SPAG16: variants seen among roughly 807,000 people sequenced by gnomAD.
SPAG16 encodes the protein sperm-associated antigen 16 protein.
A neutral mutation model predicts 80.4 loss-of-function variants in SPAG16; 86 were observed. The observed-to-expected ratio is 1.07, with a 90% CI of 0.90 to 1.28. The LOEUF (loss-of-function observed/expected upper bound fraction) is 1.28. Ranked by LOEUF, SPAG16 falls within the 50% of genes most tolerant of loss-of-function variation. SPAG16 has a pLI of 0.00. For missense variants in SPAG16, 870 were observed against 765.3 expected (o/e 1.14, Z -1.61); for synonymous variants, 294 against 265.9 (o/e 1.11, Z -1.03).
intron 9 of SPAG16, among the ~76,000 whole-genome samples, chr2:213,469,807 A>G (rs568098262): frequency 2.0e-5 from 3 of 152,048 alleles, no homozygotes; most frequent in Non-Finnish European, 4.4e-5. Flanking sequence ...GTCCAGGTCA[A>G]TCACATCAGC....
At chr2:213,825,711 T>C (rs1286844596) in intron 10 of SPAG16, among the ~76,000 whole-genome samples, 3 of 148,202 alleles carry the variant, frequency 2.0e-5, no homozygotes, top group Non-Finnish European at 4.5e-5. Context: ...CTTTTTTTTT[T>C]TTTTTTTTTT....
intron 13 of SPAG16, among the ~76,000 whole-genome samples, chr2:214,064,978 A>G (rs1424000924): frequency 6.6e-6 from 1 of 151,952 alleles, no homozygotes. Context: ...TAAGAATATA[A>G]GAATAAATAA....
intron 13 of SPAG16, among the ~76,000 whole-genome samples, chr2:214,059,200 A>ATATATGTATGTG (rs2050108865): frequency 1.9e-5 from 2 of 106,222 alleles, no homozygotes; most frequent in Admixed American, 1.0e-4. Flanking sequence ...ATATATATAT[A>ATATATGTATGTG]TATATATATA....
At chr2:213,430,687 G>A (rs949985067) in intron 9 of SPAG16, among the ~76,000 whole-genome samples, 1 of 152,028 alleles carries the variant, frequency 6.6e-6, no homozygotes, top group Non-Finnish European at 1.5e-5. Context: ...AACTTCACTA[G>A]GCTAGCAATA....
Position 213,912,579 on chromosome 2 carries a change from GT to G in SPAG16, c.1215-17377del, listed in dbSNP as rs534890280. ...GAATTTCTGTTTGTGCATTTGACTT[GT>G]TTTGGCCAGTGGATATTAACCAATA... On this transcript the variant is annotated intron_variant, in intron 11 of 15. Coordinates refer to ENST00000331683, the MANE Select transcript of SPAG16 (RefSeq NM_024532.5). Among the ~76,000 whole-genome samples, 6 of 152,172 alleles carry G rather than the reference GT, an allele frequency of 3.9e-5. No individual in the cohort carries two copies. In the South Asian group the frequency reaches 1.2e-3, roughly 32 times the overall value.
intron 8 of SPAG16, among the ~76,000 whole-genome samples, chr2:213,366,615 A>T (rs898471037): frequency 1.3e-5 from 2 of 151,982 alleles, no homozygotes; most frequent in Non-Finnish European, 2.9e-5. Context: ...GCATGGGAAA[A>T]CCCGCCTCCA....
At chr2:213,696,294 A>T (rs2065149493) in intron 10 of SPAG16, among the ~76,000 whole-genome samples, 1 of 152,228 alleles carries the variant, frequency 6.6e-6, no homozygotes, top group Non-Finnish European at 1.5e-5. Context: ...TGCTAAATTT[A>T]GATGCTTTAT....
chr2:213,330,061 G>A (rs929388459), intron 5 of SPAG16, among the ~76,000 whole-genome samples: 4 of 152,232 alleles, frequency 2.6e-5, no homozygotes, highest in African/African-American at 4.8e-5. Flanking sequence ...GTATGGAAAC[G>A]CCTGGATGCC....
chr2:213,650,671 C>G (rs1465586321), intron 10 of SPAG16, among the ~76,000 whole-genome samples: 1 of 152,202 alleles, frequency 6.6e-6, no homozygotes, highest in Non-Finnish European at 1.5e-5. Flanking sequence ...ATACTTCTAT[C>G]TGCCCTTTTC....
At chr2:213,970,518 C>T (rs11691155) in intron 12 of SPAG16, among the ~76,000 whole-genome samples, 62,925 of 151,782 alleles carry the variant, frequency 0.41, 13,074 homozygotes, top group South Asian at 0.5. Flanking sequence ...CCCAGGCTGG[C>T]CTCGAGCTCC....
At chr2:214,317,559 C>G (rs1250075711) in intron 15 of SPAG16, among the ~76,000 whole-genome samples, 4 of 152,172 alleles carry the variant, frequency 2.6e-5, no homozygotes, top group African/African-American at 9.7e-5. Context: ...CTAGTAATTA[C>G]TGCTAAAAAT....
At chr2:213,467,312 A>G (rs1310302976) in intron 9 of SPAG16, among the ~76,000 whole-genome samples, 1 of 152,136 alleles carries the variant, frequency 6.6e-6, no homozygotes, top group Non-Finnish European at 1.5e-5. Context: ...TTTTCCCTTG[A>G]GCTGCCAAAA....
chr2:213,445,031 G>A (rs569618242), intron 9 of SPAG16, among the ~76,000 whole-genome samples: 3 of 152,234 alleles, frequency 2.0e-5, no homozygotes, highest in South Asian at 4.2e-4. Context: ...TGGGAAAACT[G>A]AATATCCATA....
chr2:213,814,411 C>T (rs1312714580), intron 10 of SPAG16, among the ~76,000 whole-genome samples: 1 of 152,130 alleles, frequency 6.6e-6, no homozygotes, highest in African/African-American at 2.4e-5. Context: ...TTTCACCAAA[C>T]AATTGGGCAC....
At chr2:214,334,860 T>A (rs1697171931) in intron 15 of SPAG16, among the ~76,000 whole-genome samples, 1 of 152,228 alleles carries the variant, frequency 6.6e-6, no homozygotes, top group Non-Finnish European at 1.5e-5. Flanking sequence ...GGGGTCCTCA[T>A]TGCCAACTGG....
At chr2:213,496,652 G>T (rs1024791358) in intron 10 of SPAG16, among the ~76,000 whole-genome samples, 2 of 151,278 alleles carry the variant, frequency 1.3e-5, no homozygotes, top group Non-Finnish European at 3.0e-5. Context: ...ATATGGATAT[G>T]TATAATATAA....
At chr2:213,431,187 G>A in intron 9 of SPAG16, among the ~76,000 whole-genome samples, 1 of 151,784 alleles carries the variant, frequency 6.6e-6, no homozygotes. Flanking sequence ...TCAAATGGTA[G>A]CATAACAGGA....
chr2:214,334,254 A>G (rs1697129342), intron 15 of SPAG16, among the ~76,000 whole-genome samples: 1 of 152,224 alleles, frequency 6.6e-6, no homozygotes, highest in African/African-American at 2.4e-5. Flanking sequence ...AGCTATAGAT[A>G]GATCCTGAGG....
chr2:213,896,592 G>A (rs10166553), intron 11 of SPAG16, among the ~76,000 whole-genome samples: 25,858 of 111,200 alleles, frequency 0.23, 2,789 homozygotes, highest in South Asian at 0.38. Flanking sequence ...ACACACACAC[G>A]CACACACACA....
Sources: gnomAD v4.1 joint callset for allele counts (sites outside exome capture counted in the v4.1 genomes callset) on GRCh38, gnomAD v4.1.1 for gene constraint, MANE v1.5 for transcripts, NCBI Gene and HGNC (gene_info 2026-07-23, HGNC 2026-07-21) for gene names.